RBM44: variants seen among roughly 807,000 people sequenced by gnomAD.
The protein encoded by RBM44 is RNA binding motif protein 44.
A neutral mutation model predicts 105.1 loss-of-function variants in RBM44; 66 were observed. The observed-to-expected ratio is 0.63, with a 90% confidence interval of 0.52 to 0.77. The LOEUF (loss-of-function observed/expected upper bound fraction) is 0.77. RBM44 is among the 30% of genes least tolerant of loss of function. The pLI is 0.00. For synonymous variants in RBM44, 365 were observed against 417.6 expected, an observed-to-expected ratio of 0.87 and a Z score of 1.54; for missense variants, 1,122 against 1,207.8, an observed-to-expected ratio of 0.93 and a Z score of 1.05.
chr2:237,809,438 G>A (rs1402040239), intron 1 of RBM44, among the ~76,000 whole-genome samples: 1 of 152,092 alleles, frequency 6.6e-6, no homozygotes, highest in African/African-American at 2.4e-5. Context: ...TATACTCAGT[G>A]TCTCTAGTTC....
chr2:237,837,768 C>A (rs2061974293), intron 15 of RBM44, among the ~76,000 whole-genome samples: 1 of 151,486 alleles, frequency 6.6e-6, no homozygotes, highest in African/African-American at 2.4e-5. Flanking sequence ...CTCAGCCTCC[C>A]AAAGTGCTGG....
Position 237,818,548 on chromosome 2 carries a change from ATCTC to A in RBM44, c.1634_1637del (p.Leu545ProfsTer5), listed in dbSNP as rs751314658. ...TGGCTATAACAAAAGGATCAGGAAA[ATCTC>A]TCTCCGTTGACAGTTTAAAACCTAA... is the stretch of plus-strand genomic sequence containing the variant. On this transcript the variant is annotated frameshift_variant, in exon 3 of 16. Transcript: ENST00000316997. LOFTEE classifies it high-confidence loss of function. This position sits in a 1 kb window ranked among gnomAD's most constrained non-coding sequence, Gnocchi z 4.6. 11 of 1,593,544 alleles carry A rather than the reference ATCTC, an allele frequency of 6.9e-6. No homozygotes were observed. The highest frequency in any genetic ancestry group is 2.7e-5 in the African/African-American group (2 of 73,800).
chr2:237,829,871 A>C (rs1227440218), intron 13 of RBM44, among the ~76,000 whole-genome samples: 3 of 152,184 alleles, frequency 2.0e-5, no homozygotes, highest in Admixed American at 6.5e-5. Context: ...GTATTTTCAT[A>C]TATTCTCATG....
rs2061735941 is a variant in RBM44, at chr2:237,817,742, G to A, written c.823G>A (p.Asp275Asn). Residue 275 changes from aspartate to asparagine, a missense_variant, in exon 3 of 16, where the codon GAC becomes AAC. Asp to Asn is a conservative substitution (Grantham distance 23, BLOSUM62 1). Coordinates refer to ENST00000316997, the MANE Select transcript of RBM44 (RefSeq NM_001080504.3). ...TTCTGTTATGTTAAGAGAATATCAT[G>A]ACCTAAAGCATGAAAAGTATAAGGA... ...QNSVMLREYH[D>N]LKHEKYKEQE... 1 of 1,611,950 alleles carries A rather than the reference G, an allele frequency of 6.2e-7. No individual in the cohort carries two copies. Among genetic ancestry groups the A allele is most frequent in the Non-Finnish European group, 8.5e-7 (1 of 1,179,032 alleles).
At chr2:237,834,885 CAA>C (rs1491555440) in intron 15 of RBM44, 6 of 152,742 alleles carry the variant, frequency 3.9e-5, no homozygotes, top group Non-Finnish European at 5.8e-5. Flanking sequence ...TTCCCCTAAG[CAA>C]GAGAGAGAGA....
rs142701908 is a variant in RBM44 at position 237,800,524 on chromosome 2, A to G, written c.-19+1663A>G. The stretch of plus-strand genomic sequence containing the variant: ...GATTTGAGTGTAGAATCAGATGTGA[A>G]TGAGAATCCAGCTTGAGATAGTGTT... On this transcript the variant is annotated intron_variant, in intron 1 of 15. Transcript: ENST00000316997. 3.2e-3 allele frequency among the ~76,000 whole-genome samples: 484 copies of G among 152,368 alleles called. 2 individuals carry two copies. The highest frequency in any genetic ancestry group is 0.011 in the African/African-American group (469 of 41,598).
At chr2:237,829,138 G>C (rs2061878284) in intron 12 of RBM44, 79 bp from the exon 13 acceptor site, 5 of 1,009,268 alleles carry the variant, frequency 5.0e-6, no homozygotes, top group Non-Finnish European at 4.3e-6. Context: ...AAACGTATTT[G>C]CATCAGTAGT....
chr2:237,802,319 A>T (rs1325893601), intron 1 of RBM44, among the ~76,000 whole-genome samples: 1 of 152,208 alleles, frequency 6.6e-6, no homozygotes, highest in Non-Finnish European at 1.5e-5. Context: ...AGATTCTCAT[A>T]GGAACTCAAA....
At chr2:237,813,779 C>A in intron 2 of RBM44, 97 bp downstream of exon 2, 2 of 752,500 alleles carry the variant, frequency 2.7e-6, no homozygotes, top group South Asian at 1.6e-5. Flanking sequence ...CTTTTTAACT[C>A]TTCCTCCCTC....
chr2:237,804,886 A>T (rs890572302), intron 1 of RBM44, among the ~76,000 whole-genome samples: 2 of 152,238 alleles, frequency 1.3e-5, no homozygotes, highest in African/African-American at 4.8e-5. Flanking sequence ...AACAGCCAAC[A>T]TTATACTGAA....
At chr2:237,820,141 G>T in intron 4 of RBM44, 34 bp from the exon 5 acceptor site, 1 of 1,269,910 alleles carries the variant, frequency 7.9e-7, no homozygotes, top group South Asian at 1.7e-5. Flanking sequence ...AAAATGTTTG[G>T]AATCTTACCT....
chr2:237,840,218 C>T (rs563328258), intron 15 of RBM44, among the ~76,000 whole-genome samples: 23 of 144,438 alleles, frequency 1.6e-4, no homozygotes, highest in South Asian at 4.4e-4. Context: ...AAAGGGCACA[C>T]GGCACATAGA....
rs905196955 is a variant in RBM44, at chr2:237,841,219, A to G, written c.*23-620A>G. Among the ~76,000 whole-genome samples the G allele has an allele frequency of 6.6e-6, 1 of 152,254 alleles. No homozygotes were observed. The highest frequency in any genetic ancestry group is 2.4e-5 in the African/African-American group (1 of 41,462). ...ATAAAGATAAGTGTATATATACACCATGGAGTACTATGCAGCCATAAAAAA... is the reference window on the plus strand; with the variant it reads ...ATAAAGATAAGTGTATATATACACCGTGGAGTACTATGCAGCCATAAAAAA... On this transcript the variant is annotated intron_variant, in intron 15 of 15. Coordinates refer to ENST00000316997, the MANE Select transcript of RBM44 (RefSeq NM_001080504.3). The surrounding 1 kb of genome is among the most constrained non-coding windows in gnomAD (Gnocchi z 4.5).
chr2:237,821,708 A>T (rs766575970), intron 7 of RBM44, 35 bp from the exon 8 acceptor site: 1 of 1,425,078 alleles, frequency 7.0e-7, no homozygotes, highest in Non-Finnish European at 9.9e-7. Flanking sequence ...GTTATCAAAC[A>T]TTAGATCATA....
At position 237,827,453 on chromosome 2, in the gene RBM44, C is replaced by T. The variant is rs2061859532; in HGVS notation, c.2550C>T (p.Phe850=). ...TTTAGGCCGATTTAAGGTCTCATTTCCAAAAATACCAAGTTTCTGAAATTT... is the reference window on the plus strand; with the variant it reads ...TTTAGGCCGATTTAAGGTCTCATTTTCAAAAATACCAAGTTTCTGAAATTT... The part of the protein sequence containing the change: ...SVSEADLRSH[F]QKYQVSEISI... The change falls in exon 12 of 16, where the codon TTC becomes TTT. Residue 850 remains phenylalanine, a synonymous_variant. Coordinates refer to ENST00000316997, the MANE Select transcript of RBM44 (RefSeq NM_001080504.3). The T allele has an allele frequency of 6.5e-7, 1 of 1,531,026 alleles. No homozygotes were observed. Among genetic ancestry groups the T allele is most frequent in the South Asian group, 1.2e-5 (1 of 83,062 alleles). 94.8% of individuals were successfully genotyped at this position (1,531,026 alleles called of 1,614,324 possible). A position where few individuals can be genotyped will look rare whatever the true frequency, so the allele number is the denominator to read the frequency against.
At chr2:237,820,989 C>A in intron 5 of RBM44, 82 bp from the exon 6 acceptor site, 1 of 1,025,396 alleles carries the variant, frequency 9.8e-7, no homozygotes, top group Non-Finnish European at 1.4e-6. Flanking sequence ...AGTTCAAGAA[C>A]CAAGTGTATA....
intron 2 of RBM44, among the ~76,000 whole-genome samples, chr2:237,814,379 A>G (rs187811548): frequency 2.6e-4 from 40 of 152,260 alleles, no homozygotes; most frequent in Admixed American, 2.3e-3. Context: ...ATGAACCCTA[A>G]TGGAATAAAC....
At chr2:237,816,174 A>G (rs112369684) in intron 2 of RBM44, among the ~76,000 whole-genome samples, 206 of 152,300 alleles carry the variant, frequency 1.4e-3, no homozygotes, top group Middle Eastern at 3.4e-3. Flanking sequence ...TTTTAAATAC[A>G]AAGTTTTTCT....
Position 237,818,785 on chromosome 2 carries a change from T to G in RBM44, c.1678-116T>G. 3 of 670,952 alleles carry G rather than the reference T, an allele frequency of 4.5e-6. No homozygotes were observed. The highest frequency in any genetic ancestry group is 7.4e-6 in the Non-Finnish European group (3 of 405,208). The allele number at this position is 670,952 out of a possible 1,614,324, so 41.6% of individuals were successfully genotyped here. On this transcript the variant is annotated intron_variant, in intron 3 of 15. Transcript: ENST00000316997. This position sits in a 1 kb window ranked among gnomAD's most constrained non-coding sequence, Gnocchi z 4.6. The stretch of plus-strand genomic sequence containing the variant: ...GACGTGTAAATTACCACCAGTTCTA[T>G]CCTCCTCTCCTGGCAGCTCCTCCCA...
Sources: allele counts gnomAD v4.1 joint callset (sites outside exome capture counted in the v4.1 genomes callset), GRCh38; gene constraint gnomAD v4.1.1; non-coding constraint Gnocchi (gnomAD v3.1); transcripts MANE v1.5; gene names NCBI Gene and HGNC (gene_info 2026-07-23, HGNC 2026-07-21).